TPH2: variants seen among roughly 807,000 people sequenced by gnomAD.
TPH2 encodes tryptophan hydroxylase 2.
In TPH2, 27 loss-of-function variants were observed where a neutral mutation model predicts 59.1. That is an observed-to-expected ratio of 0.46 (90% CI 0.34 to 0.63). The LOEUF is 0.63. Among genes scored for constraint, TPH2 ranks in the 30% least tolerant of loss-of-function variants. The pLI, the probability that TPH2 is intolerant of heterozygous loss-of-function variation, is 0.01. For synonymous variants in TPH2, 220 were observed against 210.5 expected (o/e 1.05, Z -0.39); for missense variants, 523 against 588.3 (o/e 0.89, Z 1.15).
Position 71,997,081 on chromosome 12 carries a change from G to C in TPH2, c.1068+2516G>C, listed in dbSNP as rs146214455. On this transcript the variant is annotated intron_variant, in intron 8 of 10. Coordinates refer to ENST00000333850, the MANE Select transcript of TPH2 (RefSeq NM_173353.4). ...TTTGGCAGGGCTGTGTTCCTTTATG[G>C]GGGCTCTGGGGTATGAGCCGTTTTG... Among the ~76,000 whole-genome samples the C allele has an allele frequency of 1.6e-3, 246 of 152,260 alleles. 2 individuals are homozygous for C. Among genetic ancestry groups the C allele is most frequent in the African/African-American group, 5.5e-3 (230 of 41,532 alleles).
intron 5 of TPH2, among the ~76,000 whole-genome samples, chr12:71,959,280 C>T (rs185310486): frequency 1.7e-4 from 26 of 152,306 alleles, no homozygotes; most frequent in Non-Finnish European, 2.6e-4. Context: ...TCCTCTTTCA[C>T]TAGATGACTC....
intron 5 of TPH2, among the ~76,000 whole-genome samples, chr12:71,971,959 C>T (rs1871984506): frequency 6.6e-6 from 1 of 152,138 alleles, no homozygotes; most frequent in Non-Finnish European, 1.5e-5. Flanking sequence ...TCAGCATGAC[C>T]TGCAATGAAT....
chr12:72,019,216 C>A (rs138679260), intron 8 of TPH2, among the ~76,000 whole-genome samples: 2 of 152,186 alleles, frequency 1.3e-5, no homozygotes, highest in African/African-American at 2.4e-5. Flanking sequence ...AAGTCATACT[C>A]GTGTTCACTC....
Position 71,940,383 on chromosome 12 carries a change from A to AT in TPH2, c.106-1200dup, listed in dbSNP as rs199928604. Among the ~76,000 whole-genome samples the AT allele has an allele frequency of 7.6e-3, 1,163 of 152,260 alleles. 17 individuals are homozygous for AT. Among genetic ancestry groups the AT allele is most frequent in the African/African-American group, 0.026 (1,085 of 41,554 alleles). ...ATAATAAAATCTCCATCTCTATTAT[A>AT]TATAAATCTAGTGAGTAAGGCAATA... On this transcript the variant is annotated intron_variant, in intron 1 of 10. Coordinates refer to ENST00000333850, the MANE Select transcript of TPH2 (RefSeq NM_173353.4).
Position 71,962,380 on chromosome 12 carries a change from C to T in TPH2, c.609-10139C>T, listed in dbSNP as rs905388285. 1.3e-5 allele frequency: 13 copies of T among 985,386 alleles called. No individual in the cohort carries two copies. The Admixed American group carries it at 6.8e-4, about 51-fold the overall frequency. The allele number at this position is 985,386 out of a possible 1,614,324, so 61.0% of individuals were successfully genotyped here. ...TAGTTAAGTTCGGACTTTTCTGTCC[C>T]TTTGGGTTTACATATGCTGCTTTCT... On this transcript the variant is annotated intron_variant, in intron 5 of 10. Transcript: ENST00000333850.
chr12:71,978,349 T>G (rs916817100), intron 6 of TPH2, among the ~76,000 whole-genome samples: 3 of 152,224 alleles, frequency 2.0e-5, no homozygotes, highest in Admixed American at 6.5e-5. Context: ...GGCAGGTTTA[T>G]AGACTTTATT....
Position 71,994,543 on chromosome 12 carries a change from A to T in TPH2, c.1046A>T (p.Glu349Val), listed in dbSNP as rs1461374724. ...IGLASLGASD[E>V]DVQKLATCYF... The stretch of plus-strand genomic sequence containing the variant: ...CTGGCGTCTCTGGGAGCATCAGATG[A>T]AGATGTTCAGAAACTAGCCACGGTG... Residue 349 changes from glutamate (E) to valine (V), a missense_variant, in exon 8 of 11, where the codon GAA (glutamate) becomes GTA (valine). Transcript: ENST00000333850. 4 of 1,613,860 alleles carry T rather than the reference A, an allele frequency of 2.5e-6. No homozygotes were observed. The highest frequency in any genetic ancestry group is 3.4e-6 in the Non-Finnish European group (4 of 1,179,862).
intron 7 of TPH2, among the ~76,000 whole-genome samples, chr12:71,986,906 A>C (rs1447055347): frequency 6.6e-6 from 1 of 152,186 alleles, no homozygotes; most frequent in Admixed American, 6.5e-5. Context: ...GAAGAAATCC[A>C]AAATGATTGA....
intron 8 of TPH2, among the ~76,000 whole-genome samples, chr12:71,994,831 G>A (rs1233074374): frequency 1.3e-5 from 2 of 152,132 alleles, no homozygotes; most frequent in Non-Finnish European, 2.9e-5. Flanking sequence ...GGGTCGTAAG[G>A]ACTCTGTCAG....
At chr12:71,967,170 A>G (rs1160434116) in intron 5 of TPH2, among the ~76,000 whole-genome samples, 1 of 152,218 alleles carries the variant, frequency 6.6e-6, no homozygotes, top group African/African-American at 2.4e-5. Context: ...CAGGACTCAC[A>G]CAAAATAACT....
intron 8 of TPH2, among the ~76,000 whole-genome samples, chr12:72,016,162 A>G (rs938276034): frequency 9.2e-5 from 14 of 152,164 alleles, no homozygotes; most frequent in African/African-American, 3.4e-4. Flanking sequence ...TAAGTGCTCT[A>G]TCTACTTCAC....
At chr12:71,987,265 C>A (rs563823526) in intron 7 of TPH2, among the ~76,000 whole-genome samples, 20 of 152,284 alleles carry the variant, frequency 1.3e-4, no homozygotes, top group African/African-American at 4.6e-4. Context: ...CTATTTGGAA[C>A]AACAGAGCCC....
At chr12:71,995,032 A>T (rs1261415490) in intron 8 of TPH2, among the ~76,000 whole-genome samples, 1 of 152,144 alleles carries the variant, frequency 6.6e-6, no homozygotes, top group Non-Finnish European at 1.5e-5. Context: ...TATATGATAA[A>T]GTAGGGGTTG....
rs1056641660 is a variant in TPH2 at position 71,963,884 on chromosome 12, G to A, written c.609-8635G>A. Among the ~76,000 whole-genome samples the A allele has an allele frequency of 2.4e-4, 12 of 49,806 alleles. 6 individuals carry two copies. Among genetic ancestry groups the A allele is most frequent in the African/African-American group, 5.7e-4 (10 of 17,642 alleles). 32.7% of individuals were successfully genotyped at this position (49,806 alleles called of 152,430 possible). A position where few individuals can be genotyped will look rare whatever the true frequency, so the allele number is the denominator to read the frequency against. ...GGTATGACACACAGGTTGAAAACAA[G>A]ACCAATCGAATTAAGTGACTTGGGT... On this transcript the variant is annotated intron_variant, in intron 5 of 10. Transcript: ENST00000333850.
At chr12:72,017,555 G>A (rs1415295233) in intron 8 of TPH2, among the ~76,000 whole-genome samples, 1 of 152,122 alleles carries the variant, frequency 6.6e-6, no homozygotes, top group African/African-American at 2.4e-5. Flanking sequence ...CCTTCAATTT[G>A]GGAGGTGTTA....
At chr12:71,992,929 C>T (rs1872613779) in intron 7 of TPH2, among the ~76,000 whole-genome samples, 1 of 152,094 alleles carries the variant, frequency 6.6e-6, no homozygotes, top group African/African-American at 2.4e-5. Flanking sequence ...GCTTCTTTGC[C>T]ATAAGCAATG....
At chr12:71,987,838 G>A (rs867531603) in intron 7 of TPH2, among the ~76,000 whole-genome samples, 2 of 152,176 alleles carry the variant, frequency 1.3e-5, no homozygotes, top group Non-Finnish European at 2.9e-5. Flanking sequence ...GGTGATAAGA[G>A]TGAAACTCCA....
At position 71,979,604 on chromosome 12, in the gene TPH2, G is replaced by T. The variant is rs141889405; in HGVS notation, c.941+517G>T. 4.0e-3 allele frequency among the ~76,000 whole-genome samples: 607 copies of T among 152,282 alleles called. 5 individuals are homozygous for T. Among genetic ancestry groups the T allele is most frequent in the African/African-American group, 0.014 (577 of 41,542 alleles). ...CCCGCCACCTCCAGATATAGATGAG[G>T]TTTGTGATTCTTCTCTGATTCTGTC... On this transcript the variant is annotated intron_variant, in intron 7 of 10. Coordinates refer to ENST00000333850, the MANE Select transcript of TPH2 (RefSeq NM_173353.4).
intron 5 of TPH2, among the ~76,000 whole-genome samples, chr12:71,971,479 G>A (rs1275168773): frequency 6.6e-6 from 1 of 152,148 alleles, no homozygotes; most frequent in African/African-American, 2.4e-5. Context: ...TCAAGCAATA[G>A]CTTACAAAAG....
Sources: allele counts gnomAD v4.1 joint callset (sites outside exome capture counted in the v4.1 genomes callset), GRCh38; gene constraint gnomAD v4.1.1; transcripts MANE v1.5; gene names NCBI Gene and HGNC (gene_info 2026-07-23, HGNC 2026-07-21).